Variants in TENM2 observed in about 807,000 individuals in gnomAD.
TENM2 encodes the protein teneurin-2.
Under a neutral mutation model 245.2 loss-of-function variants are expected in TENM2, and 52 were observed. The ratio of observed to expected loss-of-function variants is 0.21; its 90% CI spans 0.17 to 0.27. The LOEUF (loss-of-function observed/expected upper bound fraction) is 0.27. Among genes scored for constraint, TENM2 ranks in the 10% least tolerant of loss-of-function variants. The pLI is 1.00. For missense variants in TENM2, 3,046 were observed against 3,666.8 expected (o/e 0.83, Z 4.37); for synonymous variants, 1,363 against 1,438.9 (o/e 0.95, Z 1.19).
chr5:167,911,903 G>A (rs1776586559), intron 3 of TENM2, among the ~76,000 whole-genome samples: 3 of 152,034 alleles, frequency 2.0e-5, no homozygotes, highest in African/African-American at 7.2e-5. Flanking sequence ...ATGATATACA[G>A]CATGATATTC....
intron 24 of TENM2, among the ~76,000 whole-genome samples, chr5:168,227,663 G>A (rs1764342471): frequency 6.6e-6 from 1 of 151,954 alleles, no homozygotes; most frequent in Admixed American, 6.6e-5. Flanking sequence ...AAACATCACG[G>A]CATAATTATT....
chr5:167,078,317 C>T, the TENM2 span, among the ~76,000 whole-genome samples: 1 of 152,014 alleles, frequency 6.6e-6, no homozygotes, highest in Admixed American at 6.6e-5. Flanking sequence ...AACCCTGTCT[C>T]TACTAAAAAT....
the TENM2 span, among the ~76,000 whole-genome samples, chr5:167,250,235 C>T: frequency 6.6e-6 from 1 of 152,012 alleles, no homozygotes; most frequent in Non-Finnish European, 1.5e-5. Flanking sequence ...TGGGGAGGAT[C>T]ACTTGAGCCC....
intron 2 of TENM2, among the ~76,000 whole-genome samples, chr5:167,549,130 C>T (rs1195563934): frequency 1.3e-5 from 2 of 152,098 alleles, no homozygotes; most frequent in Non-Finnish European, 2.9e-5. Context: ...CTCAGCCAAT[C>T]GTAGCAGAGC....
intron 2 of TENM2, among the ~76,000 whole-genome samples, chr5:167,484,559 C>T (rs1767948422): frequency 6.6e-6 from 1 of 152,126 alleles, no homozygotes; most frequent in South Asian, 2.1e-4. Context: ...AACTGTAAGA[C>T]AATGCACTTC....
At chr5:167,595,856 C>A (rs962372999) in intron 2 of TENM2, among the ~76,000 whole-genome samples, 1 of 152,178 alleles carries the variant, frequency 6.6e-6, no homozygotes, top group South Asian at 2.1e-4. Flanking sequence ...ACCGTGTTTC[C>A]CTTCCCTCTC....
chr5:167,526,360 G>GCA (rs72349867), intron 2 of TENM2, among the ~76,000 whole-genome samples: 6,936 of 143,916 alleles, frequency 0.048, 269 homozygotes, highest in African/African-American at 0.11. Context: ...TTAAGAAATA[G>GCA]CACACACACA....
At chr5:167,221,729 A>T in the TENM2 span, among the ~76,000 whole-genome samples, 2 of 152,248 alleles carry the variant, frequency 1.3e-5, no homozygotes, top group East Asian at 3.9e-4. Context: ...GTTCAAGGCC[A>T]TGCAACCAGT....
intron 13 of TENM2, among the ~76,000 whole-genome samples, chr5:168,181,233 T>G (rs1488920112): frequency 6.6e-6 from 1 of 152,268 alleles, no homozygotes; most frequent in African/African-American, 2.4e-5. Context: ...GGCATTTGTT[T>G]TTGGTTTTTG....
intron 25 of TENM2, among the ~76,000 whole-genome samples, chr5:168,231,767 CAACAACA>C (rs1562312947): frequency 3.8e-4 from 57 of 148,374 alleles, no homozygotes; most frequent in African/African-American, 1.4e-3. Flanking sequence ...CAACAACAAA[CAACAACA>C]ACAACCAAAA....
chr5:167,920,124 G>A (rs747941800), intron 3 of TENM2, among the ~76,000 whole-genome samples: 7 of 152,044 alleles, frequency 4.6e-5, no homozygotes, highest in East Asian at 1.9e-4. Context: ...AAACTGCTAC[G>A]TTTCAGAAGT....
At chr5:168,148,236 A>T (rs972878072) in intron 12 of TENM2, among the ~76,000 whole-genome samples, 1 of 152,154 alleles carries the variant, frequency 6.6e-6, no homozygotes, top group Non-Finnish European at 1.5e-5. Context: ...ATTTGAAAGG[A>T]GGGATTTTTG....
chr5:167,757,775 A>G (rs777491474), intron 2 of TENM2, among the ~76,000 whole-genome samples: 1 of 152,184 alleles, frequency 6.6e-6, no homozygotes, highest in African/African-American at 2.4e-5. Flanking sequence ...CATTTTAATG[A>G]TCACCATTCT....
chr5:167,705,965 TTATATATA>T (rs368174120), intron 2 of TENM2, among the ~76,000 whole-genome samples: 103 of 119,900 alleles, frequency 8.6e-4, no homozygotes, highest in Middle Eastern at 8.0e-3. Context: ...CAAGGCTGGG[TTATATATA>T]TATATATATA....
chr5:167,275,366 C>G, the TENM2 span, among the ~76,000 whole-genome samples: 130 of 152,140 alleles, frequency 8.5e-4, no homozygotes, highest in Non-Finnish European at 1.7e-3. Context: ...TCTATATATA[C>G]TGTTAAACAA....
At chr5:167,890,675 C>G (rs1414638164) in intron 3 of TENM2, among the ~76,000 whole-genome samples, 1 of 152,066 alleles carries the variant, frequency 6.6e-6, no homozygotes, top group Admixed American at 6.5e-5. Context: ...AGAGACTGCC[C>G]GTTTGAGATC....
At chr5:168,110,952 G>A (rs1029958734) in intron 9 of TENM2, among the ~76,000 whole-genome samples, 1 of 152,134 alleles carries the variant, frequency 6.6e-6, no homozygotes, top group Non-Finnish European at 1.5e-5. Context: ...TGCGATCTTC[G>A]TTAACTTCCC....
At chr5:167,573,331 T>G (rs1487486266) in intron 2 of TENM2, among the ~76,000 whole-genome samples, 1 of 152,100 alleles carries the variant, frequency 6.6e-6, no homozygotes, top group Non-Finnish European at 1.5e-5. Flanking sequence ...AGAGACACAC[T>G]GCGATTATCT....
At chr5:168,094,827 A>G (rs957925007) in intron 8 of TENM2, among the ~76,000 whole-genome samples, 2 of 152,118 alleles carry the variant, frequency 1.3e-5, no homozygotes, top group Non-Finnish European at 2.9e-5. Flanking sequence ...GTGAAGCTTT[A>G]TCTTTATTTA....
Sources: allele counts gnomAD v4.1 joint callset (sites outside exome capture counted in the v4.1 genomes callset), GRCh38; gene constraint gnomAD v4.1.1; transcripts MANE v1.5; gene names NCBI Gene and HGNC (gene_info 2026-07-23, HGNC 2026-07-21).